Variants in UBP1 observed in about 807,000 individuals in gnomAD.
UBP1 encodes the protein upstream-binding protein 1.
In UBP1, 22 loss-of-function variants were observed where a neutral mutation model predicts 76.1. The observed-to-expected ratio is 0.29, with a 90% CI of 0.21 to 0.41. UBP1 has a LOEUF of 0.41. Ranked by LOEUF, UBP1 falls within the 10% of genes least tolerant of loss-of-function variation. UBP1 has a pLI of 1.00. For missense variants in UBP1, 436 were observed against 668.1 expected, an observed-to-expected ratio of 0.65 and a Z score of 3.83; for synonymous variants, 224 against 237.1, an observed-to-expected ratio of 0.94 and a Z score of 0.51.
At chr3:33,428,428 T>C (rs1333604403) in intron 1 of UBP1, among the ~76,000 whole-genome samples, 1 of 151,988 alleles carries the variant, frequency 6.6e-6, no homozygotes, top group Non-Finnish European at 1.5e-5. Flanking sequence ...GATCATTAGA[T>C]ACAGATCATC....
At position 33,425,618 on chromosome 3, in the gene UBP1, A is replaced by G; in HGVS notation, c.237T>C (p.His79=). The G allele has an allele frequency of 1.3e-6, 2 of 1,573,216 alleles. No homozygotes were observed. Among genetic ancestry groups the G allele is most frequent in the Admixed American group, 1.7e-5 (1 of 59,638 alleles). The change falls in exon 2 of 16, where the codon CAT becomes CAC. Residue 79 remains histidine (H), a synonymous_variant. Transcript: ENST00000283629. ...GGTTCAAATAAGTAAGCGTTTCATC[A>G]TGCAGTTTTACTGCTGGTGACGTTG... ...CAATSPAVKL[H]DETLTYLNQG...
At chr3:33,439,619 C>T in intron 1 of UBP1, 117 bp downstream of exon 1, 2 of 1,132,764 alleles carry the variant, frequency 1.8e-6, no homozygotes, top group Non-Finnish European at 2.5e-6. Context: ...GGACTCCGAC[C>T]CCGCAGCCCA....
intron 1 of UBP1, among the ~76,000 whole-genome samples, chr3:33,428,730 G>T (rs1235248033): frequency 1.3e-5 from 2 of 148,908 alleles, no homozygotes; most frequent in Non-Finnish European, 3.0e-5. Flanking sequence ...TTTTCAAACA[G>T]AAGTTAAACC....
chr3:33,430,238 G>A (rs181231943), intron 1 of UBP1, among the ~76,000 whole-genome samples: 7 of 152,296 alleles, frequency 4.6e-5, no homozygotes, highest in Admixed American at 2.6e-4. Flanking sequence ...CCCAAACTGA[G>A]GAAAGAACTG....
chr3:33,415,184 T>C (rs2044697977), intron 3 of UBP1, among the ~76,000 whole-genome samples: 1 of 152,186 alleles, frequency 6.6e-6, no homozygotes, highest in Admixed American at 6.5e-5. Context: ...TCAGACTAAT[T>C]ATTTCTAAAT....
chr3:33,420,010 T>C (rs144020405), intron 2 of UBP1, among the ~76,000 whole-genome samples: 88 of 152,312 alleles, frequency 5.8e-4, no homozygotes, highest in South Asian at 3.5e-3. Context: ...TTGAAAAATA[T>C]AACTGTTGTG....
At chr3:33,393,654 T>C (rs978920227) in intron 13 of UBP1, among the ~76,000 whole-genome samples, 200 bp from the exon 14 acceptor site, 2 of 152,224 alleles carry the variant, frequency 1.3e-5, no homozygotes, top group Non-Finnish European at 2.9e-5. Flanking sequence ...AACGTAAGAA[T>C]ACATTATTTA....
Position 33,439,898 on chromosome 3 carries a change from G to C in UBP1, c.-50C>G. 6.2e-7 allele frequency: 1 copy of C among 1,600,022 alleles called. No homozygotes were observed. The highest frequency in any genetic ancestry group is 8.5e-7 in the Non-Finnish European group (1 of 1,172,232). ...ACACCGCGGCCTCCGCGTCCAGGGCGAAGGAGCCGGAGCTCCGCTGGCGCG... is the reference window on the plus strand; with the variant it reads ...ACACCGCGGCCTCCGCGTCCAGGGCCAAGGAGCCGGAGCTCCGCTGGCGCG... On this transcript the variant is annotated 5_prime_UTR_variant, in exon 1 of 16. Coordinates refer to ENST00000283629, the MANE Select transcript of UBP1 (RefSeq NM_014517.5).
At chr3:33,396,803 C>A in intron 12 of UBP1, 1 of 655,974 alleles carries the variant, frequency 1.5e-6, no homozygotes, top group Non-Finnish European at 2.8e-6. Context: ...GAAATCAGTA[C>A]TGCCCATGTG....
intron 1 of UBP1, among the ~76,000 whole-genome samples, chr3:33,426,405 T>C (rs2045018962): frequency 6.6e-6 from 1 of 152,188 alleles, no homozygotes; most frequent in African/African-American, 2.4e-5. Context: ...ACTGTTTTTA[T>C]TGGATGTTGT....
chr3:33,426,682 CTA>C (rs1259050904), intron 1 of UBP1, among the ~76,000 whole-genome samples: 2 of 152,182 alleles, frequency 1.3e-5, no homozygotes, highest in South Asian at 2.1e-4. Context: ...AATCATATGA[CTA>C]TGTGGTCTTT....
intron 1 of UBP1, among the ~76,000 whole-genome samples, chr3:33,426,857 T>A (rs1187377102): frequency 2.6e-5 from 4 of 152,236 alleles, no homozygotes; most frequent in Non-Finnish European, 1.5e-5. Context: ...TTTTAGCAAT[T>A]ATGAATCATG....
intron 13 of UBP1, 111 bp from the exon 14 acceptor site, chr3:33,393,565 G>A: frequency 9.9e-7 from 1 of 1,007,872 alleles, no homozygotes; most frequent in Non-Finnish European, 1.3e-6. Flanking sequence ...TACCAAAAAA[G>A]TAAAAAAACA....
chr3:33,402,768 A>G, intron 9 of UBP1, 33 bp downstream of exon 9: 4 of 1,437,040 alleles, frequency 2.8e-6, no homozygotes, highest in Non-Finnish European at 3.7e-6. Flanking sequence ...AGCATTAGTT[A>G]GCTGCAGGCA....
At chr3:33,401,167 C>T (rs971898746) in intron 9 of UBP1, 151 bp from the exon 10 acceptor site, 4 of 624,770 alleles carry the variant, frequency 6.4e-6, no homozygotes, top group South Asian at 4.8e-5. Flanking sequence ...AAAATGCAAG[C>T]GCAACAGCTT....
chr3:33,396,387 T>C (rs1448442884), intron 12 of UBP1, 107 bp from the exon 13 acceptor site: 6 of 815,216 alleles, frequency 7.4e-6, no homozygotes, highest in Non-Finnish European at 1.1e-5. Flanking sequence ...ATGAGAACTT[T>C]ATAATGTTAT....
Position 33,389,812 on chromosome 3 carries a change from G to C in UBP1, c.*519C>G, listed in dbSNP as rs2043686333. The stretch of plus-strand genomic sequence containing the variant: ...ACATGATTTCTTCCAAGAAGGTGCC[G>C]AGCCTCTTACCTGACCACCAACGGC... On this transcript the variant is annotated 3_prime_UTR_variant, in exon 16 of 16. Coordinates refer to ENST00000283629, the MANE Select transcript of UBP1 (RefSeq NM_014517.5). The C allele has an allele frequency of 6.5e-6, 1 of 153,836 alleles. No individual in the cohort carries two copies. The highest frequency in any genetic ancestry group is 2.4e-5 in the African/African-American group (1 of 41,406). The allele number at this position is 153,836 out of a possible 1,614,324, so 9.5% of individuals were successfully genotyped here.
chr3:33,436,707 C>T (rs2045210042), intron 1 of UBP1, among the ~76,000 whole-genome samples: 1 of 152,126 alleles, frequency 6.6e-6, no homozygotes, highest in African/African-American at 2.4e-5. Context: ...TCCAAAGACC[C>T]TCTTTGAGTT....
chr3:33,427,439 A>G (rs145556168), intron 1 of UBP1, among the ~76,000 whole-genome samples: 25 of 152,336 alleles, frequency 1.6e-4, no homozygotes, highest in African/African-American at 5.3e-4. Flanking sequence ...TAAAATGATA[A>G]TAACAGCAAC....
Sources: gnomAD v4.1 joint callset for allele counts (sites outside exome capture counted in the v4.1 genomes callset) on GRCh38, gnomAD v4.1.1 for gene constraint, MANE v1.5 for transcripts, NCBI Gene and HGNC (gene_info 2026-07-23, HGNC 2026-07-21) for gene names.